ABI1: variants seen among roughly 807,000 people sequenced by gnomAD.
ABI1 encodes the protein abl interactor 1, also known as Abelson interactor 1.
Under a neutral mutation model 54.6 loss-of-function variants are expected in ABI1, and 14 were observed. That is an observed-to-expected ratio of 0.26 (90% CI 0.17 to 0.40). The LOEUF (loss-of-function observed/expected upper bound fraction) is 0.40. Among genes scored for constraint, ABI1 ranks in the 10% least tolerant of loss-of-function variants. The probability of loss-of-function intolerance (pLI) is 1.00; values close to 1 mark genes in which losing one functional copy is unlikely to be tolerated. For missense variants in ABI1, 443 were observed against 598.3 expected (o/e 0.74, Z 2.71); for synonymous variants, 194 against 209.3 (o/e 0.93, Z 0.63).
At chr10:26,796,415 C>T (rs1205991613) in intron 2 of ABI1, among the ~76,000 whole-genome samples, 1 of 152,180 alleles carries the variant, frequency 6.6e-6, no homozygotes, top group Non-Finnish European at 1.5e-5. Flanking sequence ...ACAAATACCA[C>T]TGTGTTCCAA....
At position 26,747,308 on chromosome 10, in the gene ABI1, TAAG is replaced by T; in HGVS notation, c.*1259_*1261del. 4.4e-6 allele frequency: 1 copy of T among 226,112 alleles called. No homozygotes were observed. The highest frequency in any genetic ancestry group is 8.8e-6 in the Non-Finnish European group (1 of 113,550). 14.0% of individuals were successfully genotyped at this position (226,112 alleles called of 1,614,324 possible). A position where few individuals can be genotyped will look rare whatever the true frequency, so the allele number is the denominator to read the frequency against. ...AACATCCCTCAGCCCTCCCTTCAAT[TAAG>T]AGGAGACACACAAAGTGCATGTGTT... On this transcript the variant is annotated 3_prime_UTR_variant, in exon 11 of 11. Coordinates refer to ENST00000376140, the MANE Select transcript of ABI1 (RefSeq NM_001012750.3).
At chr10:26,816,797 C>G (rs2047592627) in intron 2 of ABI1, among the ~76,000 whole-genome samples, 1 of 151,994 alleles carries the variant, frequency 6.6e-6, no homozygotes, top group East Asian at 1.9e-4. Context: ...TAATTTTACC[C>G]ATTGACTAGT....
In ABI1 at chr10:26,751,677, C is replaced by T; in HGVS notation, c.1191G>A (p.Glu397=). The change falls in exon 10 of 11, where the codon GAG becomes GAA. Residue 397 remains glutamate (E), a synonymous_variant. Coordinates refer to ENST00000376140, the MANE Select transcript of ABI1 (RefSeq NM_001012750.3). The part of the protein sequence containing the change: ...PPPPPVDYED[E]EAAVVQYNDP... ...CATTATACTGAACTACTGCAGCCTC[C>T]TCATCTTCATAATCCACTGGTGGTG... The T allele has an allele frequency of 1.2e-6, 2 of 1,614,020 alleles. No individual in the cohort carries two copies. The highest frequency in any genetic ancestry group is 1.7e-6 in the Non-Finnish European group (2 of 1,179,968).
chr10:26,773,830 C>T (rs940906095), intron 3 of ABI1, among the ~76,000 whole-genome samples: 1 of 152,182 alleles, frequency 6.6e-6, no homozygotes, highest in African/African-American at 2.4e-5. Flanking sequence ...GAACTTCTAC[C>T]TGCTTCATGT....
chr10:26,774,052 T>C (rs968639779), intron 3 of ABI1, among the ~76,000 whole-genome samples: 2 of 152,284 alleles, frequency 1.3e-5, no homozygotes, highest in South Asian at 4.1e-4. Flanking sequence ...AGGACCCCCA[T>C]GGATACCAAA....
At chr10:26,844,145 A>G (rs2049799552) in intron 1 of ABI1, among the ~76,000 whole-genome samples, 1 of 152,148 alleles carries the variant, frequency 6.6e-6, no homozygotes, top group African/African-American at 2.4e-5. Context: ...GGCACTTGAC[A>G]CTACTCACAG....
rs1305080803 is a variant in ABI1 at position 26,824,932 on chromosome 10, TA to T, written c.118-1628del. ...ATTAAATGTGCGATAGTACTATGTC[TA>T]AAAAAACTAGGTACATGCCTTAATT... On this transcript the variant is annotated intron_variant, in intron 1 of 10. Coordinates refer to ENST00000376140, the MANE Select transcript of ABI1 (RefSeq NM_001012750.3). Among the ~76,000 whole-genome samples, 3 of 152,308 alleles carry T rather than the reference TA, an allele frequency of 2.0e-5. No homozygotes were observed. In the South Asian group the frequency reaches 6.2e-4, roughly 32 times the overall value.
At chr10:26,798,749 T>C (rs1200101603) in intron 2 of ABI1, among the ~76,000 whole-genome samples, 2 of 151,170 alleles carry the variant, frequency 1.3e-5, no homozygotes, top group African/African-American at 4.9e-5. Context: ...GTATAAATAG[T>C]CCTGGACTGA....
chr10:26,797,112 C>T (rs1389223339), intron 2 of ABI1, among the ~76,000 whole-genome samples: 1 of 152,112 alleles, frequency 6.6e-6, no homozygotes. Flanking sequence ...CAAATATACA[C>T]AGTAAAATTT....
chr10:26,828,369 T>C (rs2048444976), intron 1 of ABI1, among the ~76,000 whole-genome samples: 1 of 152,142 alleles, frequency 6.6e-6, no homozygotes, highest in Non-Finnish European at 1.5e-5. Flanking sequence ...TACCAAAATA[T>C]GACAGAGACA....
At chr10:26,823,386 A>T (rs1381709763) in intron 1 of ABI1, 81 bp from the exon 2 acceptor site, 1 of 1,072,684 alleles carries the variant, frequency 9.3e-7, no homozygotes, top group Non-Finnish European at 1.3e-6. Context: ...GCAAAGTTAT[A>T]TTATTTTACT....
intron 2 of ABI1, among the ~76,000 whole-genome samples, chr10:26,780,502 T>C (rs2132971116): frequency 6.6e-6 from 1 of 152,334 alleles, no homozygotes; most frequent in African/African-American, 2.4e-5. Context: ...TACAGGGTTT[T>C]GGTAGCACCA....
Position 26,749,699 on chromosome 10 carries a change from C to T in ABI1, c.1271-954G>A, listed in dbSNP as rs182558303. On this transcript the variant is annotated intron_variant, in intron 10 of 10. Coordinates refer to ENST00000376140, the MANE Select transcript of ABI1 (RefSeq NM_001012750.3). ...CTATATTCACTTCCTTTGCAAACTGCTATGGAAAGAGAAAGTAATCCAAAA... is the reference window on the plus strand; with the variant it reads ...CTATATTCACTTCCTTTGCAAACTGTTATGGAAAGAGAAAGTAATCCAAAA... Among the ~76,000 whole-genome samples the T allele has an allele frequency of 1.8e-3, 276 of 152,272 alleles. 2 individuals are homozygous for T. Among genetic ancestry groups the T allele is most frequent in the Non-Finnish European group, 4.7e-4 (32 of 68,024 alleles).
intron 2 of ABI1, among the ~76,000 whole-genome samples, chr10:26,787,183 T>C (rs1240112217): frequency 6.6e-6 from 1 of 152,170 alleles, no homozygotes; most frequent in Non-Finnish European, 1.5e-5. Flanking sequence ...CTGGCCTTTT[T>C]CCAGTCTGCT....
intron 7 of ABI1, among the ~76,000 whole-genome samples, chr10:26,761,469 T>C (rs1839148298): frequency 6.6e-6 from 1 of 151,172 alleles, no homozygotes; most frequent in South Asian, 2.1e-4. Flanking sequence ...TACACATACA[T>C]GTGTGTATAA....
intron 7 of ABI1, among the ~76,000 whole-genome samples, chr10:26,761,709 T>TA (rs1839253158): frequency 7.0e-6 from 1 of 143,592 alleles, no homozygotes; most frequent in Admixed American, 7.0e-5. Flanking sequence ...ACACAGTTTT[T>TA]ACAAATTTAT....
intron 2 of ABI1, 108 bp from the exon 3 acceptor site, chr10:26,777,349 T>C: frequency 1.3e-6 from 1 of 755,884 alleles, no homozygotes; most frequent in Non-Finnish European, 2.0e-6. Context: ...GTACACCATA[T>C]GTCTATTTTC....
chr10:26,842,048 A>G (rs1034334628), intron 1 of ABI1, among the ~76,000 whole-genome samples: 1 of 152,162 alleles, frequency 6.6e-6, no homozygotes, highest in Non-Finnish European at 1.5e-5. Flanking sequence ...CACTCCCACC[A>G]ACAGTGTACA....
chr10:26,800,487 A>G (rs2046475355), intron 2 of ABI1, among the ~76,000 whole-genome samples: 1 of 152,166 alleles, frequency 6.6e-6, no homozygotes, highest in Non-Finnish European at 1.5e-5. Flanking sequence ...TTTCCAAAGT[A>G]TCAAGGTCAG....
Sources: allele counts gnomAD v4.1 joint callset (sites outside exome capture counted in the v4.1 genomes callset), GRCh38; gene constraint gnomAD v4.1.1; transcripts MANE v1.5; gene names NCBI Gene and HGNC (gene_info 2026-07-23, HGNC 2026-07-21).